The following TRPM5 variants were observed in gnomAD, a reference collection of about 807,000 sequenced individuals.
The protein encoded by TRPM5 is transient receptor potential cation channel subfamily M member 5, also known as MLSN1 and TRP-related.
A neutral mutation model predicts 124.9 loss-of-function variants in TRPM5; 121 were observed. The ratio of observed to expected loss-of-function variants is 0.97; its 90% CI spans 0.84 to 1.13. The LOEUF is 1.13. TRPM5 is among the 50% of genes most tolerant of loss of function. The probability of loss-of-function intolerance (pLI) is 0.00; values close to 1 mark genes in which losing one functional copy is unlikely to be tolerated. For synonymous variants in TRPM5, 781 were observed against 700.5 expected (o/e 1.11, Z -1.81); for missense variants, 1,643 against 1,589.1 (o/e 1.03, Z -0.58).
Position 2,407,314 on chromosome 11 carries a change from G to A in TRPM5, c.2937-14C>T, listed in dbSNP as rs760598324. ...TGGAACGTGTAGCTGCAGGGGCACAGCTGAGCCGTCACCTACCGGCTCCCC... is the reference window on the plus strand; with the variant it reads ...TGGAACGTGTAGCTGCAGGGGCACAACTGAGCCGTCACCTACCGGCTCCCC... On this transcript the variant is annotated splice_polypyrimidine_tract_variant and intron_variant, in intron 19 of 23. Coordinates refer to ENST00000155858, the Ensembl canonical transcript of TRPM5. 6.2e-7 allele frequency: 1 copy of A among 1,601,262 alleles called. No homozygotes were observed. Among genetic ancestry groups the A allele is most frequent in the African/African-American group, 1.3e-5 (1 of 74,426 alleles).
chr11:2,414,682 G>A lies in TRPM5; in HGVS notation c.1744+33C>T, dbSNP rs765261438. 2.7e-5 allele frequency: 40 copies of A among 1,506,528 alleles called. 1 individual carries two copies. In the South Asian group the frequency reaches 3.6e-4, roughly 13 times the overall value. The allele number at this position is 1,506,528 out of a possible 1,614,324, so 93.3% of individuals were successfully genotyped here. A position where few individuals can be genotyped will look rare whatever the true frequency, so the allele number is the denominator to read the frequency against. On this transcript the variant is annotated intron_variant, in intron 11 of 23. Transcript: ENST00000155858. The stretch of plus-strand genomic sequence containing the variant: ...ACCCCTCCGTCACATCCTCCCCCGC[G>A]CGCGGGCCCGGCCCCAGCCGCCGGT...
chr11:2,413,163 C>T (rs1387242827), exon 14 of TRPM5: 4 of 1,553,212 alleles, frequency 2.6e-6, no homozygotes, highest in Admixed American at 1.9e-5. Context: ...GCGGGCTCTT[C>T]TCCGTGTCCA....
At chr11:2,432,220 C>T in the TRPM5 span, among the ~76,000 whole-genome samples, 2 of 152,246 alleles carry the variant, frequency 1.3e-5, no homozygotes, top group African/African-American at 2.4e-5. Context: ...GAGGGACATC[C>T]CAGCTGCCGA....
At chr11:2,411,127 A>T (rs374448033) in intron 18 of TRPM5, among the ~76,000 whole-genome samples, 1 of 152,104 alleles carries the variant, frequency 6.6e-6, no homozygotes, top group Non-Finnish European at 1.5e-5. Context: ...CCCAGGTCCC[A>T]GGTCGGGGCT....
the TRPM5 span, among the ~76,000 whole-genome samples, chr11:2,442,135 G>A: frequency 1.3e-5 from 2 of 152,156 alleles, no homozygotes; most frequent in Non-Finnish European, 2.9e-5. This position sits in a 1 kb window ranked among gnomAD's most constrained non-coding sequence, Gnocchi z 5.9. Context: ...GCTATTTGAT[G>A]TGTTTTCATC....
Position 2,405,391 on chromosome 11 carries a change from G to A in TRPM5, c.3391+136C>T, listed in dbSNP as rs1360329818. On this transcript the variant is annotated intron_variant, in intron 23 of 23. Coordinates refer to ENST00000155858, the Ensembl canonical transcript of TRPM5. ...GGCACCCACACCACCCTGAAGAGCC[G>A]CGTCCAGCCAAGGCCTCCTGAGACT... The A allele has an allele frequency of 2.3e-5, 21 of 899,050 alleles. 1 individual carries two copies. Among genetic ancestry groups the A allele is most frequent in the African/African-American group, 1.2e-4 (7 of 60,070 alleles). The allele number at this position is 899,050 out of a possible 1,614,324, so 55.7% of individuals were successfully genotyped here.
At chr11:2,426,578 C>T (rs1030006556), upstream of TRPM5, among the ~76,000 whole-genome samples, 2 of 152,082 alleles carry the variant, frequency 1.3e-5, no homozygotes, top group Middle Eastern at 3.2e-3. Context: ...CCCAGGGCAG[C>T]GGGGCACCTG....
At chr11:2,414,009 G>GGGGGGGGGCCCCCCCCC in intron 12 of TRPM5, 52 bp downstream of exon 17, 2 of 1,023,724 alleles carry the variant, frequency 2.0e-6, no homozygotes, top group Non-Finnish European at 2.9e-6. Flanking sequence ...GGCCCAGCTC[G>GGGGGGGGGCCCCCCCCC]CCCGCCCACC....
intron 15 of TRPM5, 57 bp downstream of exon 20, chr11:2,412,697 G>C: frequency 6.6e-7 from 1 of 1,507,104 alleles, no homozygotes; most frequent in East Asian, 2.3e-5. Context: ...ACCCAGCTTA[G>C]GTTGCCCAAC....
At chr11:2,430,857 G>A in the TRPM5 span, among the ~76,000 whole-genome samples, 1 of 145,038 alleles carries the variant, frequency 6.9e-6, no homozygotes, top group Non-Finnish European at 1.5e-5. Flanking sequence ...GGTGGTGATG[G>A]AGGTGGTGTT....
At chr11:2,411,437 G>A (rs370293928) in exon 18 of TRPM5, 54 of 1,612,328 alleles carry the variant, frequency 3.3e-5, no homozygotes, top group African/African-American at 1.9e-4. Flanking sequence ...CCAGGCGGCC[G>A]TCATGGGGGT....
chr11:2,410,765 C>CCA (rs1176521791), intron 18 of TRPM5: 2 of 435,682 alleles, frequency 4.6e-6, no homozygotes, highest in Non-Finnish European at 9.2e-6. Flanking sequence ...CATGGGCAGG[C>CCA]CACACACACA....
At chr11:2,430,938 G>C in the TRPM5 span, among the ~76,000 whole-genome samples, 5 of 151,950 alleles carry the variant, frequency 3.3e-5, no homozygotes, top group Non-Finnish European at 5.9e-5. Flanking sequence ...GGAGGTGGTA[G>C]TGATGATGGT....
intron 23 of TRPM5, 55 bp downstream of exon 28, chr11:2,405,472 C>T (rs1850296891): frequency 6.6e-7 from 1 of 1,521,026 alleles, no homozygotes; most frequent in African/African-American, 1.4e-5. Context: ...CCCCCAGCCG[C>T]TGCAGAGTGG....
intron 19 of TRPM5, among the ~76,000 whole-genome samples, 196 bp downstream of exon 24, chr11:2,407,563 G>A (rs1030603212): frequency 3.9e-5 from 6 of 152,234 alleles, no homozygotes; most frequent in African/African-American, 1.4e-4. Flanking sequence ...GGGACTGGGA[G>A]GGTGGCCCAC....
intron 15 of TRPM5, 114 bp downstream of exon 20, chr11:2,412,640 T>C (rs1263159414): frequency 2.6e-6 from 3 of 1,164,258 alleles, no homozygotes; most frequent in Non-Finnish European, 2.4e-6. Flanking sequence ...GAGGCCCCCA[T>C]GCTGTTCTTG....
chr11:2,429,180 G>T, the TRPM5 span, among the ~76,000 whole-genome samples: 563 of 151,270 alleles, frequency 3.7e-3, 8 homozygotes, highest in Non-Finnish European at 9.4e-4. This position sits in a 1 kb window ranked among gnomAD's most constrained non-coding sequence, Gnocchi z 8.4. Flanking sequence ...ATGGGGTAGT[G>T]GTGGTTATGG....
At chr11:2,416,275 C>T (rs912592638) in intron 7 of TRPM5, among the ~76,000 whole-genome samples, 9 of 152,230 alleles carry the variant, frequency 5.9e-5, no homozygotes, top group Admixed American at 1.3e-4. Flanking sequence ...GCAACTTCCT[C>T]GGCTGCAACG....
At chr11:2,417,465 A>G (rs1845702775) in intron 7 of TRPM5, among the ~76,000 whole-genome samples, 1 of 152,192 alleles carries the variant, frequency 6.6e-6, no homozygotes, top group South Asian at 2.1e-4. Context: ...AAAAAACCGA[A>G]AACCAAAACA....
Sources: gnomAD v4.1 joint callset for allele counts (sites outside exome capture counted in the v4.1 genomes callset) on GRCh38, gnomAD v4.1.1 for gene constraint, Gnocchi (gnomAD v3.1) non-coding constraint, MANE v1.5 for transcripts, NCBI Gene and HGNC (gene_info 2026-07-23, HGNC 2026-07-21) for gene names.